Variants in UNC5A observed in about 807,000 individuals in gnomAD.
UNC5A encodes netrin receptor UNC5A.
UNC5A carries 20 observed loss-of-function variants against 87.4 expected under a neutral mutation model. That is an observed-to-expected ratio of 0.23 (90% CI 0.16 to 0.33). The LOEUF (loss-of-function observed/expected upper bound fraction) is 0.33, where lower values mean the gene tolerates loss of function less well. Among genes scored for constraint, UNC5A ranks in the 10% least tolerant of loss-of-function variants. The pLI is 1.00. For missense variants in UNC5A, 844 were observed against 1,133.4 expected, an observed-to-expected ratio of 0.74 and a Z score of 3.67; for synonymous variants, 438 against 482.3, an observed-to-expected ratio of 0.91 and a Z score of 1.20.
At chr5:176,850,779 C>A (rs1176374634) in intron 1 of UNC5A, among the ~76,000 whole-genome samples, 2 of 152,128 alleles carry the variant, frequency 1.3e-5, no homozygotes, top group Non-Finnish European at 2.9e-5. Flanking sequence ...GGGGTCCAAG[C>A]GGGCTCATCT....
chr5:176,820,549 C>T (rs560015284), intron 1 of UNC5A, among the ~76,000 whole-genome samples: 13 of 152,346 alleles, frequency 8.5e-5, no homozygotes, highest in East Asian at 3.9e-4. Context: ...AATCCAGACA[C>T]GCCATGTTTC....
chr5:176,859,647 C>T (rs371916566), intron 1 of UNC5A, among the ~76,000 whole-genome samples: 1,031 of 39,920 alleles, frequency 0.026, 29 homozygotes, highest in African/African-American at 0.087. Context: ...TGCTAGAATG[C>T]CCTTGCTAGA....
chr5:176,864,056 G>A (rs917218537), intron 2 of UNC5A, among the ~76,000 whole-genome samples: 1 of 151,652 alleles, frequency 6.6e-6, no homozygotes, highest in Non-Finnish European at 1.5e-5. Flanking sequence ...GGCCATTGCC[G>A]TGAGGCTCAA....
intron 1 of UNC5A, among the ~76,000 whole-genome samples, chr5:176,854,918 G>T (rs2113640842): frequency 6.6e-6 from 1 of 152,374 alleles, no homozygotes; most frequent in East Asian, 1.9e-4. Flanking sequence ...GGTCAGGGCA[G>T]GCTTCCTGGA....
At chr5:176,813,493 C>T (rs1756518135) in intron 1 of UNC5A, among the ~76,000 whole-genome samples, 1 of 152,232 alleles carries the variant, frequency 6.6e-6, no homozygotes, top group Non-Finnish European at 1.5e-5. Context: ...TGTTCCTGCT[C>T]GCCCTGCCTT....
chr5:176,818,059 G>A (rs1756638088), intron 1 of UNC5A, among the ~76,000 whole-genome samples: 1 of 151,988 alleles, frequency 6.6e-6, no homozygotes, highest in Admixed American at 6.5e-5. Context: ...GGGCACCGCC[G>A]CGCGGCCGCC....
intron 2 of UNC5A, among the ~76,000 whole-genome samples, chr5:176,863,807 C>CCCTCCTCCTCCTCCT (rs1282065722): frequency 1.5e-4 from 1 of 6,638 alleles, no homozygotes; most frequent in East Asian, 5.8e-3. Context: ...TCCCTCCTTC[C>CCCTCCTCCTCCTCCT]CCTCCTCCCC....
intron 1 of UNC5A, among the ~76,000 whole-genome samples, chr5:176,834,019 T>G (rs1324768317): frequency 6.6e-6 from 1 of 152,170 alleles, no homozygotes; most frequent in African/African-American, 2.4e-5. Flanking sequence ...ACACAGCCTC[T>G]TATTCTCTCA....
chr5:176,830,897 CGTGT>C (rs5873561), intron 1 of UNC5A, among the ~76,000 whole-genome samples: 110,996 of 139,300 alleles, frequency 0.8, 48,108 homozygotes, highest in Non-Finnish European at 0.95. Context: ...TATGTGCTGG[CGTGT>C]GTGTATGTGC....
At chr5:176,825,098 T>C (rs145890836) in intron 1 of UNC5A, among the ~76,000 whole-genome samples, 2 of 152,122 alleles carry the variant, frequency 1.3e-5, no homozygotes, top group Non-Finnish European at 1.5e-5. Context: ...GGTGGAAACA[T>C]CTAAAAGATA....
rs187238669 is a variant in UNC5A, at chr5:176,843,864, G to A, written c.71-18760G>A. Among the ~76,000 whole-genome samples, 1,196 of 152,338 alleles carry A rather than the reference G, an allele frequency of 7.9e-3. 18 individuals are homozygous for A. Among genetic ancestry groups the A allele is most frequent in the African/African-American group, 0.028 (1,151 of 41,560 alleles). On this transcript the variant is annotated intron_variant, in intron 1 of 14. Transcript: ENST00000329542. The stretch of plus-strand genomic sequence containing the variant: ...TGGCCCCTGGCCCCTGGCCCCTGGC[G>A]TTCTGACAGACGTGCGGCGCGTGGG...
intron 1 of UNC5A, among the ~76,000 whole-genome samples, chr5:176,827,383 A>C (rs1756881871): frequency 6.6e-6 from 1 of 151,752 alleles, no homozygotes. Context: ...GGGTTTCACC[A>C]TGTTGGCCAG....
At position 176,865,255 on chromosome 5, in the gene UNC5A, C is replaced by A. The variant is rs897290684; in HGVS notation, c.292+2410C>A. On this transcript the variant is annotated intron_variant, in intron 2 of 14. Coordinates refer to ENST00000329542, the MANE Select transcript of UNC5A (RefSeq NM_133369.3). This position sits in a 1 kb window ranked among gnomAD's most constrained non-coding sequence, Gnocchi z 5.3. ...CTGCAGCCTGGAAGCTCCAGTCCAG[C>A]CCCCTGCTGCTCCCAGCACCCCCTT... Among the ~76,000 whole-genome samples the A allele has an allele frequency of 6.6e-6, 1 of 152,228 alleles. No individual in the cohort carries two copies. The highest frequency in any genetic ancestry group is 2.4e-5 in the African/African-American group (1 of 41,454).
chr5:176,865,065 G>T lies in UNC5A; in HGVS notation c.292+2220G>T, dbSNP rs556844177. On this transcript the variant is annotated intron_variant, in intron 2 of 14. Coordinates refer to ENST00000329542, the MANE Select transcript of UNC5A (RefSeq NM_133369.3). The surrounding 1 kb of genome is among the most constrained non-coding windows in gnomAD (Gnocchi z 5.3). ...CCTCCCCTCCATCCTGCCCCTTGCA[G>T]ATTGGTCGGGGGAAGCCATGAAATC... 3.9e-5 allele frequency: 13 copies of T among 336,978 alleles called. No homozygotes were observed. The East Asian group carries it at 1.2e-3, about 30-fold the overall frequency. 20.9% of individuals were successfully genotyped at this position (336,978 alleles called of 1,614,324 possible). A position where few individuals can be genotyped will look rare whatever the true frequency, so the allele number is the denominator to read the frequency against.
rs746619410 is a variant in UNC5A, at chr5:176,877,922, C to T, written c.1664C>T (p.Pro555Leu). Residue 555 changes from proline (P) to leucine (L), a missense_variant, in exon 11 of 15, where the codon CCC becomes CTC. Pro to Leu is a moderately conservative substitution (Grantham distance 98). Around this residue, in one of 3 missense-constraint regions of UNC5A, gnomAD observed 353 missense variants for 387.5 expected, o/e 0.91. Coordinates refer to ENST00000329542, the MANE Select transcript of UNC5A (RefSeq NM_133369.3). ...EDVLHLGEEA[P>L]SHLYYCQLEA... The stretch of plus-strand genomic sequence containing the variant: ...GTGCTGCACCTGGGCGAGGAGGCGC[C>T]CTCCCACCTCTACTACTGCCAGCTG... 5 of 1,602,776 alleles carry T rather than the reference C, an allele frequency of 3.1e-6. No individual in the cohort carries two copies. The Admixed American group carries it at 6.7e-5, about 21-fold the overall frequency.
intron 1 of UNC5A, among the ~76,000 whole-genome samples, chr5:176,832,423 C>G (rs1043605071): frequency 6.6e-6 from 1 of 152,210 alleles, no homozygotes; most frequent in African/African-American, 2.4e-5. Context: ...CGTAGTAATT[C>G]TTTTTGCTTC....
chr5:176,862,897 G>C, intron 2 of UNC5A, 52 bp downstream of exon 2: 1 of 1,600,192 alleles, frequency 6.2e-7, no homozygotes, highest in East Asian at 2.2e-5. Context: ...GCGAGTTTCG[G>C]CCCCCCCAGA....
intron 1 of UNC5A, among the ~76,000 whole-genome samples, chr5:176,835,616 G>T (rs1204095863): frequency 6.6e-6 from 1 of 152,192 alleles, no homozygotes. Context: ...TCCCTCCCCA[G>T]CGTGCAGGTG....
At chr5:176,834,419 C>T (rs1270629168) in intron 1 of UNC5A, among the ~76,000 whole-genome samples, 1 of 152,208 alleles carries the variant, frequency 6.6e-6, no homozygotes, top group Non-Finnish European at 1.5e-5. Context: ...ATTTATTCCC[C>T]AGGGCCCAGG....
Sources: gnomAD v4.1 joint callset for allele counts (sites outside exome capture counted in the v4.1 genomes callset) on GRCh38, gnomAD v4.1.1 for gene constraint, gnomAD v4.1.1 regional missense constraint, Gnocchi (gnomAD v3.1) non-coding constraint, MANE v1.5 for transcripts, NCBI Gene and HGNC (gene_info 2026-07-23, HGNC 2026-07-21) for gene names.